UCP2: variants seen among roughly 807,000 people sequenced by gnomAD.
UCP2 encodes uncoupling protein 2, also known as dicarboxylate carrier SLC25A8.
In UCP2, 27 loss-of-function variants were observed where a neutral mutation model predicts 31.3. The observed-to-expected ratio is 0.86, with a 90% CI of 0.64 to 1.19. The LOEUF is 1.19. Among genes scored for constraint, UCP2 ranks in the 50% most tolerant of loss-of-function variants. The pLI is 0.00. For missense variants in UCP2, 377 were observed against 413.5 expected (o/e 0.91, Z 0.76); for synonymous variants, 142 against 157.4 (o/e 0.90, Z 0.73).
rs570358715 is a variant in UCP2 at position 73,982,785 on chromosome 11, G to C, written c.-321C>G. On this transcript the variant is annotated 5_prime_UTR_variant, in exon 1 of 8. Coordinates refer to ENST00000663595, the MANE Select transcript of UCP2 (RefSeq NM_003355.3). ...CTGTCGGCTGGCGGAGGGCGCGTCG[G>C]ACGAGCCGGGCGAGCGTGGACAGTC... is the stretch of plus-strand genomic sequence containing the variant. The C allele has an allele frequency of 6.9e-3, 1,049 of 152,756 alleles. 3 individuals carry two copies. Among genetic ancestry groups the C allele is most frequent in the Non-Finnish European group, 0.011 (754 of 68,408 alleles). 9.5% of individuals were successfully genotyped at this position (152,756 alleles called of 1,614,324 possible).
intron 2 of UCP2, 27 bp downstream of exon 2, chr11:73,981,449 G>A (rs908673019): frequency 3.3e-5 from 5 of 152,162 alleles, no homozygotes; most frequent in Non-Finnish European, 7.3e-5. Flanking sequence ...GGCAGCAAGA[G>A]ACCTCTTCCT....
Position 73,980,489 on chromosome 11 carries a change from T to G in UCP2, c.-100+987A>C, listed in dbSNP as rs181018040. ...GAAGACTGGTGCTCAAATGACAGATTGGGTTGATGAAGGTGCCCTCGGACT... is the reference window on the plus strand; with the variant it reads ...GAAGACTGGTGCTCAAATGACAGATGGGGTTGATGAAGGTGCCCTCGGACT... On this transcript the variant is annotated intron_variant, in intron 2 of 7. Transcript: ENST00000663595. Among the ~76,000 whole-genome samples, 14 of 152,224 alleles carry G rather than the reference T, an allele frequency of 9.2e-5. No homozygotes were observed. The East Asian group carries it at 2.5e-3, about 27-fold the overall frequency.
At chr11:73,978,151 C>T (rs888850753) in intron 3 of UCP2, 55 bp from the exon 4 acceptor site, 1 of 1,614,052 alleles carries the variant, frequency 6.2e-7, no homozygotes, top group African/African-American at 1.3e-5. Context: ...CTTCCCACCT[C>T]CAGTCATCTC....
Position 73,978,431 on chromosome 11 carries a change from GC to G in UCP2, c.-54del. 3.1e-6 allele frequency: 5 copies of G among 1,612,076 alleles called. No homozygotes were observed. The highest frequency in any genetic ancestry group is 4.2e-6 in the Non-Finnish European group (5 of 1,179,318). ...AGATGGAGAAAAACTGGAGACAGGG[GC>G]ACCTTTAATCAGCAACAAGACGAGA... On this transcript the variant is annotated 5_prime_UTR_variant, in exon 3 of 8. Coordinates refer to ENST00000663595, the MANE Select transcript of UCP2 (RefSeq NM_003355.3).
chr11:73,975,598 G>A lies in UCP2; in HGVS notation c.708C>T (p.Asp236=), dbSNP rs764796915. 26 of 1,614,192 alleles carry A rather than the reference G, an allele frequency of 1.6e-5. 1 individual carries two copies. Among genetic ancestry groups the A allele is most frequent in the East Asian group, 8.9e-5 (4 of 44,882 alleles). Residue 236 remains aspartate, a synonymous_variant, in exon 7 of 8, where the codon GAC becomes GAT. Transcript: ENST00000663595. ...AGTTCATGTATCTCGTCTTGACCAC[G>A]TCTACAGGGGAGGCGATGACAGTGG... is the stretch of plus-strand genomic sequence containing the variant. ...FCTTVIASPV[D]VVKTRYMNSA...
intron 4 of UCP2, 109 bp from the exon 5 acceptor site, chr11:73,977,126 G>T: frequency 1.6e-6 from 2 of 1,217,082 alleles, no homozygotes; most frequent in Non-Finnish European, 2.3e-6. Flanking sequence ...TTTGGGAATA[G>T]AATCCAGAAG....
rs1380852427 is a variant in UCP2, at chr11:73,977,034, G to C, written c.338-17C>G. On this transcript the variant is annotated splice_polypyrimidine_tract_variant and intron_variant, in intron 4 of 7. Coordinates refer to ENST00000663595, the MANE Select transcript of UCP2 (RefSeq NM_003355.3). ...TGCTGGCATCTGTGGGCGAGCCATG[G>C]GGTCAGTGGCCAGCGGGCTTGCACT... 6.3e-6 allele frequency: 10 copies of C among 1,590,862 alleles called. No homozygotes were observed. The highest frequency in any genetic ancestry group is 8.6e-6 in the Non-Finnish European group (10 of 1,165,930).
intron 2 of UCP2, chr11:73,981,178 G>C (rs1292291106): frequency 6.6e-6 from 1 of 152,226 alleles, no homozygotes; most frequent in Non-Finnish European, 1.5e-5. Flanking sequence ...TAGAACAATA[G>C]GTTCCTGTCC....
chr11:73,979,381 C>T (rs762687744), intron 2 of UCP2, among the ~76,000 whole-genome samples: 7 of 151,874 alleles, frequency 4.6e-5, no homozygotes, highest in Non-Finnish European at 7.4e-5. Context: ...ACCCCATCTC[C>T]GCTAAAAATA....
chr11:73,976,593 T>C, intron 6 of UCP2, 48 bp downstream of exon 6: 1 of 1,489,152 alleles, frequency 6.7e-7, no homozygotes, highest in Non-Finnish European at 9.4e-7. Flanking sequence ...CACCTGCTCC[T>C]GGCATGGGGG....
At chr11:73,975,967 G>A (rs1951336905) in intron 6 of UCP2, among the ~76,000 whole-genome samples, 1 of 152,162 alleles carries the variant, frequency 6.6e-6, no homozygotes, top group Non-Finnish European at 1.5e-5. Context: ...TCAGGAGGCT[G>A]AGGTGGGAGG....
Position 73,978,437 on chromosome 11 carries a change from T to C in UCP2, c.-59A>G. 6.2e-7 allele frequency: 1 copy of C among 1,610,614 alleles called. No individual in the cohort carries two copies. On this transcript the variant is annotated 5_prime_UTR_variant, in exon 3 of 8. Coordinates refer to ENST00000663595, the MANE Select transcript of UCP2 (RefSeq NM_003355.3). ...AGAAAAACTGGAGACAGGGGCACCT[T>C]TAATCAGCAACAAGACGAGATAGAG...
intron 4 of UCP2, 86 bp downstream of exon 4, chr11:73,977,800 T>TA: frequency 6.3e-7 from 1 of 1,583,522 alleles, no homozygotes; most frequent in Non-Finnish European, 8.6e-7. Flanking sequence ...TCGTGGGGCC[T>TA]AAAAAACTAT....
intron 2 of UCP2, chr11:73,980,804 G>T (rs1951439703): frequency 6.6e-6 from 1 of 152,252 alleles, no homozygotes; most frequent in Non-Finnish European, 1.5e-5. Flanking sequence ...AAACAGTACT[G>T]AGAAGGCTCA....
chr11:73,982,786 A>T lies in UCP2; in HGVS notation c.-322T>A, dbSNP rs535760193. The T allele has an allele frequency of 1.0e-4, 16 of 152,430 alleles. No individual in the cohort carries two copies. Among genetic ancestry groups the T allele is most frequent in the East Asian group, 2.0e-4 (1 of 5,124 alleles). The allele number at this position is 152,430 out of a possible 1,614,324, so 9.4% of individuals were successfully genotyped here. On this transcript the variant is annotated 5_prime_UTR_variant, in exon 1 of 8. Coordinates refer to ENST00000663595, the MANE Select transcript of UCP2 (RefSeq NM_003355.3). ...TGTCGGCTGGCGGAGGGCGCGTCGGACGAGCCGGGCGAGCGTGGACAGTCA... is the reference window on the plus strand; with the variant it reads ...TGTCGGCTGGCGGAGGGCGCGTCGGTCGAGCCGGGCGAGCGTGGACAGTCA...
chr11:73,975,050 C>T lies in UCP2; in HGVS notation c.887G>A (p.Arg296Gln), dbSNP rs751283902. The T allele has an allele frequency of 5.6e-6, 9 of 1,613,462 alleles. No homozygotes were observed. Among genetic ancestry groups the T allele is most frequent in the Admixed American group, 5.0e-5 (3 of 59,924 alleles). Residue 296 changes from arginine (R) to glutamine (Q), a missense_variant, in exon 8 of 8, where the codon CGA becomes CAA. By Grantham distance (43) the Arg-to-Gln change is conservative (BLOSUM62 1). Coordinates refer to ENST00000663595, the MANE Select transcript of UCP2 (RefSeq NM_003355.3). ...GGAAGTGCAGGCAGCCATGAGGGCTCGTTTCAGCTGCTCATAGGTGACGAA... is the reference window on the plus strand; with the variant it reads ...GGAAGTGCAGGCAGCCATGAGGGCTTGTTTCAGCTGCTCATAGGTGACGAA... ...VMFVTYEQLK[R>Q]ALMAACTSRE...
At position 73,976,645 on chromosome 11, in the gene UCP2, C is replaced by CAT. The variant is rs1951349741; in HGVS notation, c.628_629dup (p.Met210IlefsTer2). On this transcript the variant is annotated frameshift_variant, in exon 6 of 8. Coordinates refer to ENST00000663595, the MANE Select transcript of UCP2 (RefSeq NM_003355.3). LOFTEE classifies it high-confidence loss of function. ...ACCGTCTACCTCATGACTCACCTGT[C>CAT]ATGAGGTTGGCTTTCAGGAGGGCAT... 1 of 1,613,876 alleles carries CAT rather than the reference C, an allele frequency of 6.2e-7. No homozygotes were observed. Among genetic ancestry groups the CAT allele is most frequent in the East Asian group, 2.2e-5 (1 of 44,874 alleles).
Position 73,975,665 on chromosome 11 carries a change from A to G in UCP2, c.641T>C (p.Leu214Pro), listed in dbSNP as rs1234285357. 1 of 1,613,514 alleles carries G rather than the reference A, an allele frequency of 6.2e-7. No homozygotes were observed. Among genetic ancestry groups the G allele is most frequent in the Non-Finnish European group, 8.5e-7 (1 of 1,179,502 alleles). The change falls in exon 7 of 8, where the codon CTC (leucine) becomes CCC (proline). Residue 214 changes from leucine to proline, a missense_variant. Transcript: ENST00000663595. The part of the protein sequence containing the change: ...LLKANLMTDD[L>P]PCHFTSAFGA... Reference sequence around the variant, plus strand: ...AAAGGCAGAAGTGAAGTGGCAAGGGAGGTCATCTGCCAAGGAGGAGCAGGC... The same window carrying G: ...AAAGGCAGAAGTGAAGTGGCAAGGGGGGTCATCTGCCAAGGAGGAGCAGGC...
Position 73,978,335 on chromosome 11 carries a change from A to T in UCP2, c.44T>A (p.Val15Glu). The change falls in exon 3 of 8, where the codon GTG (valine) becomes GAG (glutamate). Residue 15 changes from valine (V) to glutamate (E), a missense_variant. Coordinates refer to ENST00000663595, the MANE Select transcript of UCP2 (RefSeq NM_003355.3). ...KATDVPPTAT[V>E]KFLGAGTAAC... is the part of the protein sequence containing the mutation. ...AGCTGTGCCAGCCCCAAGAAACTTCACAGTGGCAGTAGGGGGCACATCTGT... is the reference window on the plus strand; with the variant it reads ...AGCTGTGCCAGCCCCAAGAAACTTCTCAGTGGCAGTAGGGGGCACATCTGT... The T allele has an allele frequency of 1.9e-6, 3 of 1,614,204 alleles. No individual in the cohort carries two copies. The South Asian group carries it at 3.3e-5, about 18-fold the overall frequency.
Sources: gnomAD v4.1 joint callset for allele counts (sites outside exome capture counted in the v4.1 genomes callset) on GRCh38, gnomAD v4.1.1 for gene constraint, MANE v1.5 for transcripts, NCBI Gene and HGNC (gene_info 2026-07-23, HGNC 2026-07-21) for gene names.